Variants in MGAT4C observed in about 807,000 individuals in gnomAD.
MGAT4C encodes MGAT4 family member C, also known as alpha-1,3-mannosyl-glycoprotein 4-beta-N-acetylglucosaminyltransferase C.
In MGAT4C, 19 loss-of-function variants were observed where a neutral mutation model predicts 40.1. The observed-to-expected ratio is 0.47, with a 90% CI of 0.33 to 0.70. MGAT4C has a LOEUF of 0.70. MGAT4C is among the 30% of genes least tolerant of loss of function. MGAT4C has a pLI of 0.02. For missense variants in MGAT4C, 491 were observed against 563.2 expected, an observed-to-expected ratio of 0.87 and a Z score of 1.30; for synonymous variants, 181 against 187.1, an observed-to-expected ratio of 0.97 and a Z score of 0.27.
At chr12:86,065,658 G>A (rs1245501341) in intron 1 of MGAT4C, among the ~76,000 whole-genome samples, 1 of 152,078 alleles carries the variant, frequency 6.6e-6, no homozygotes, top group African/African-American at 2.4e-5. Flanking sequence ...AGAAGACAAG[G>A]GTGCCCTCTC....
At chr12:86,631,525 CA>C (rs1186170241) in intron 2 of MGAT4C, among the ~76,000 whole-genome samples, 8 of 152,126 alleles carry the variant, frequency 5.3e-5, no homozygotes, top group African/African-American at 1.9e-4. Flanking sequence ...CTACAGTAAC[CA>C]AAACAGAATG....
At chr12:86,650,542 G>C (rs1316517018) in intron 2 of MGAT4C, among the ~76,000 whole-genome samples, 1 of 151,840 alleles carries the variant, frequency 6.6e-6, no homozygotes, top group East Asian at 1.9e-4. Flanking sequence ...TTTTCCAAGG[G>C]ACTGAAATTG....
chr12:86,422,472 A>G (rs1488788456), intron 3 of MGAT4C, among the ~76,000 whole-genome samples: 2 of 152,218 alleles, frequency 1.3e-5, no homozygotes, highest in Admixed American at 6.5e-5. Context: ...AACCCTTGAC[A>G]TCTTAAAGCT....
chr12:86,704,812 C>T (rs984135648), intron 2 of MGAT4C, among the ~76,000 whole-genome samples: 7 of 152,138 alleles, frequency 4.6e-5, no homozygotes, highest in Admixed American at 1.3e-4. Context: ...ACTACTAAGA[C>T]TTAAATGCTT....
chr12:86,526,246 G>A (rs975285459), intron 2 of MGAT4C, among the ~76,000 whole-genome samples: 14 of 152,222 alleles, frequency 9.2e-5, no homozygotes, highest in African/African-American at 3.1e-4. Context: ...GGGTTGGCCG[G>A]CTCTGTGCCC....
intron 1 of MGAT4C, among the ~76,000 whole-genome samples, chr12:86,773,719 ATGTG>A (rs1346533507): frequency 6.6e-6 from 1 of 151,814 alleles, no homozygotes; most frequent in East Asian, 1.9e-4. Context: ...TGATATATGT[ATGTG>A]TGTGTGCATG....
chr12:86,354,161 A>G (rs1955250696), intron 3 of MGAT4C, among the ~76,000 whole-genome samples: 1 of 152,136 alleles, frequency 6.6e-6, no homozygotes, highest in African/African-American at 2.4e-5. Flanking sequence ...TTTTTACTAT[A>G]CTGAAATTGA....
At chr12:86,705,240 A>G (rs909192363) in intron 2 of MGAT4C, among the ~76,000 whole-genome samples, 11 of 151,758 alleles carry the variant, frequency 7.2e-5, no homozygotes, top group Non-Finnish European at 1.6e-4. Context: ...CTATCTATCT[A>G]TCTATCTATC....
chr12:86,087,937 C>T (rs2135560375), intron 1 of MGAT4C, among the ~76,000 whole-genome samples: 1 of 152,032 alleles, frequency 6.6e-6, no homozygotes, highest in South Asian at 2.1e-4. Context: ...CAACCCTAAG[C>T]AAAAAGAACA....
At chr12:86,629,708 G>A (rs183830923) in intron 2 of MGAT4C, among the ~76,000 whole-genome samples, 1 of 152,118 alleles carries the variant, frequency 6.6e-6, no homozygotes, top group East Asian at 1.9e-4. Flanking sequence ...AAACCAATGA[G>A]AACAAAGACA....
intron 1 of MGAT4C, among the ~76,000 whole-genome samples, chr12:86,181,249 T>C (rs889927317): frequency 5.9e-5 from 9 of 152,176 alleles, no homozygotes; most frequent in African/African-American, 2.2e-4. Flanking sequence ...CCTCTTTTTG[T>C]TCTCAGTTTT....
intron 1 of MGAT4C, among the ~76,000 whole-genome samples, chr12:86,052,759 G>A (rs1473104238): frequency 6.6e-6 from 1 of 151,854 alleles, no homozygotes; most frequent in Non-Finnish European, 1.5e-5. Flanking sequence ...AAAAAAAAAT[G>A]GGTTAAACTG....
At chr12:86,317,066 A>G (rs755964751) in intron 4 of MGAT4C, among the ~76,000 whole-genome samples, 2 of 152,128 alleles carry the variant, frequency 1.3e-5, no homozygotes, top group Non-Finnish European at 2.9e-5. Flanking sequence ...CTAGAAAAAC[A>G]TAAGTATACA....
At chr12:86,761,551 T>C (rs1261541088) in intron 1 of MGAT4C, among the ~76,000 whole-genome samples, 3 of 152,238 alleles carry the variant, frequency 2.0e-5, no homozygotes, top group Admixed American at 1.3e-4. Flanking sequence ...TCCTCTTATA[T>C]TTCTGGAGAT....
chr12:86,116,446 A>G (rs1402613362), intron 1 of MGAT4C, among the ~76,000 whole-genome samples: 1 of 152,080 alleles, frequency 6.6e-6, no homozygotes, highest in Non-Finnish European at 1.5e-5. Context: ...GGTAAAACCA[A>G]CAAGACATAT....
chr12:86,593,800 A>G (rs1455420411), intron 2 of MGAT4C, among the ~76,000 whole-genome samples: 1 of 152,094 alleles, frequency 6.6e-6, no homozygotes, highest in Non-Finnish European at 1.5e-5. Context: ...TGGGTGAGGT[A>G]CTCCACAGAT....
chr12:86,315,425 G>A (rs10400591), intron 4 of MGAT4C, among the ~76,000 whole-genome samples: 98,748 of 152,076 alleles, frequency 0.65, 32,881 homozygotes, highest in South Asian at 0.77. Context: ...GAAGAAGGCC[G>A]GGCGCGGTGG....
At chr12:86,728,856 CACTT>C (rs1225725768) in intron 1 of MGAT4C, among the ~76,000 whole-genome samples, 2 of 152,140 alleles carry the variant, frequency 1.3e-5, no homozygotes, top group Admixed American at 6.5e-5. Flanking sequence ...ACTGTTTTCT[CACTT>C]ACTTTTTGTC....
intron 2 of MGAT4C, among the ~76,000 whole-genome samples, chr12:86,681,327 C>G (rs1026568664): frequency 1.3e-5 from 2 of 151,892 alleles, no homozygotes; most frequent in African/African-American, 4.8e-5. Flanking sequence ...AGGCTGGTCT[C>G]TTATGACAAT....
Sources: gnomAD v4.1 joint callset for allele counts (sites outside exome capture counted in the v4.1 genomes callset) on GRCh38, gnomAD v4.1.1 for gene constraint, MANE v1.5 for transcripts, NCBI Gene and HGNC (gene_info 2026-07-23, HGNC 2026-07-21) for gene names.